The following CAMKMT variants were observed in gnomAD, a reference collection of about 807,000 sequenced individuals.
CAMKMT encodes the protein calmodulin-lysine N-methyltransferase.
In CAMKMT, 53 loss-of-function variants were observed where a neutral mutation model predicts 48.0. The observed-to-expected ratio is 1.10, with a 90% confidence interval of 0.89 to 1.39. CAMKMT has a LOEUF of 1.39. Among genes scored for constraint, CAMKMT ranks in the 40% most tolerant of loss-of-function variants. The pLI is 0.00. For missense variants in CAMKMT, 428 were observed against 402.7 expected, an observed-to-expected ratio of 1.06 and a Z score of -0.54; for synonymous variants, 165 against 152.3, an observed-to-expected ratio of 1.08 and a Z score of -0.61.
chr2:44,507,072 T>A (rs1166193324), intron 3 of CAMKMT, among the ~76,000 whole-genome samples: 1 of 82,394 alleles, frequency 1.2e-5, no homozygotes, highest in Non-Finnish European at 2.7e-5. Flanking sequence ...ATTTGTGCAA[T>A]CTTTTTTTTT....
At chr2:44,764,057 G>A (rs1680730942) in intron 9 of CAMKMT, among the ~76,000 whole-genome samples, 2 of 150,446 alleles carry the variant, frequency 1.3e-5, no homozygotes, top group African/African-American at 4.9e-5. Flanking sequence ...GGAGACTTTT[G>A]CTGTCCTGCC....
intron 3 of CAMKMT, among the ~76,000 whole-genome samples, chr2:44,422,828 C>G (rs1352276120): frequency 2.0e-5 from 3 of 152,018 alleles, no homozygotes; most frequent in Non-Finnish European, 4.4e-5. Flanking sequence ...AGTTCAGCTT[C>G]TCTAAGAGGT....
At position 44,575,644 on chromosome 2, in the gene CAMKMT, T is replaced by G. The variant is rs1572836930; in HGVS notation, c.377-128639T>G. ...CAGCACTATGGGAGACTGAGGTAGG[T>G]GGATCTCTTGAGCTCAGGAGTTTGA... On this transcript the variant is annotated intron_variant, in intron 3 of 10. Coordinates refer to ENST00000378494, the MANE Select transcript of CAMKMT (RefSeq NM_024766.5). Among the ~76,000 whole-genome samples, 3 of 151,848 alleles carry G rather than the reference T, an allele frequency of 2.0e-5. No individual in the cohort carries two copies. In the South Asian group the frequency reaches 6.3e-4, roughly 32 times the overall value.
chr2:44,529,915 T>C (rs1035188830), intron 3 of CAMKMT, among the ~76,000 whole-genome samples: 2 of 152,214 alleles, frequency 1.3e-5, no homozygotes, highest in African/African-American at 4.8e-5. Context: ...TCAAATACAA[T>C]GTTCCAGTGC....
intron 3 of CAMKMT, among the ~76,000 whole-genome samples, chr2:44,569,346 G>A (rs186740400): frequency 9.9e-4 from 151 of 152,186 alleles, no homozygotes; most frequent in African/African-American, 3.5e-3. Context: ...TACGAATGGC[G>A]ATTTTCTAGG....
chr2:44,534,329 C>G (rs1019019159), intron 3 of CAMKMT, among the ~76,000 whole-genome samples: 3 of 152,054 alleles, frequency 2.0e-5, no homozygotes, highest in African/African-American at 7.2e-5. Context: ...ACAGATCATC[C>G]AAACAGAAAA....
At chr2:44,701,922 C>T (rs1677279835) in intron 3 of CAMKMT, among the ~76,000 whole-genome samples, 1 of 151,818 alleles carries the variant, frequency 6.6e-6, no homozygotes, top group South Asian at 2.1e-4. Flanking sequence ...GAGATGACGT[C>T]CAAAATGTTA....
At chr2:44,436,648 C>T (rs965229178) in intron 3 of CAMKMT, among the ~76,000 whole-genome samples, 1 of 151,706 alleles carries the variant, frequency 6.6e-6, no homozygotes, top group African/African-American at 2.4e-5. Context: ...ATTCTGAGGG[C>T]CAGATTTGAC....
At chr2:44,705,269 C>G in intron 4 of CAMKMT, 2 of 740,946 alleles carry the variant, frequency 2.7e-6, no homozygotes, top group Middle Eastern at 7.1e-4. Flanking sequence ...CTTTCCCCCT[C>G]TTCCCACCTC....
At chr2:44,685,999 G>C (rs1194227843) in intron 3 of CAMKMT, among the ~76,000 whole-genome samples, 1 of 151,986 alleles carries the variant, frequency 6.6e-6, no homozygotes, top group Non-Finnish European at 1.5e-5. Flanking sequence ...TTAAGGGAAG[G>C]CAATATATGA....
intron 3 of CAMKMT, among the ~76,000 whole-genome samples, chr2:44,488,464 A>G (rs1267376159): frequency 6.6e-6 from 1 of 152,208 alleles, no homozygotes; most frequent in Admixed American, 6.5e-5. Flanking sequence ...AGATTGTGCC[A>G]TTGCACTCCA....
intron 3 of CAMKMT, among the ~76,000 whole-genome samples, chr2:44,604,636 A>G (rs1225804329): frequency 6.6e-6 from 1 of 151,910 alleles, no homozygotes; most frequent in African/African-American, 2.4e-5. Flanking sequence ...AATAGTTACA[A>G]TGAGATTCTG....
chr2:44,462,505 T>C (rs976508728), intron 3 of CAMKMT, among the ~76,000 whole-genome samples: 1 of 152,166 alleles, frequency 6.6e-6, no homozygotes, highest in Non-Finnish European at 1.5e-5. Flanking sequence ...TTTATGATTA[T>C]TTAATTGGCC....
chr2:44,593,996 C>T (rs62132286), intron 3 of CAMKMT, among the ~76,000 whole-genome samples: 2,838 of 152,158 alleles, frequency 0.019, 39 homozygotes, highest in Non-Finnish European at 0.028. Flanking sequence ...CTCCCCACCT[C>T]AGGTGATCTG....
At chr2:44,368,767 T>A (rs1678871790) in intron 1 of CAMKMT, among the ~76,000 whole-genome samples, 1 of 152,248 alleles carries the variant, frequency 6.6e-6, no homozygotes, top group Non-Finnish European at 1.5e-5. Context: ...ACATTTTATA[T>A]TTTTAAAAAT....
chr2:44,438,026 G>A (rs149492772), intron 3 of CAMKMT, among the ~76,000 whole-genome samples: 1 of 151,842 alleles, frequency 6.6e-6, no homozygotes, highest in African/African-American at 2.4e-5. Flanking sequence ...CATGTTCTAA[G>A]CTCTTTATAT....
rs565171897 is a variant in CAMKMT at position 44,436,625 on chromosome 2, GC to G, written c.376+46322del. On this transcript the variant is annotated intron_variant, in intron 3 of 10. Coordinates refer to ENST00000378494, the MANE Select transcript of CAMKMT (RefSeq NM_024766.5). The stretch of plus-strand genomic sequence containing the variant: ...ATATAAAACCACTCTTAACTCCAGG[GC>G]CATACAAAAACATTCTGAGGGCCAG... 4.0e-5 allele frequency among the ~76,000 whole-genome samples: 6 copies of G among 151,516 alleles called. No homozygotes were observed. In the South Asian group the frequency reaches 1.3e-3, roughly 32 times the overall value.
intron 8 of CAMKMT, 52 bp from the exon 9 acceptor site, chr2:44,754,003 T>A (rs1021160691): frequency 1.5e-6 from 2 of 1,320,136 alleles, no homozygotes; most frequent in African/African-American, 1.4e-5. Context: ...ATTAGTATCA[T>A]TAGACTTGAA....
intron 3 of CAMKMT, among the ~76,000 whole-genome samples, chr2:44,415,019 C>T (rs1683456580): frequency 6.6e-6 from 1 of 152,194 alleles, no homozygotes; most frequent in Non-Finnish European, 1.5e-5. Flanking sequence ...CTGGGCATGG[C>T]GGTGTGCCTG....
Sources: allele counts gnomAD v4.1 joint callset (sites outside exome capture counted in the v4.1 genomes callset), GRCh38; gene constraint gnomAD v4.1.1; transcripts MANE v1.5; gene names NCBI Gene and HGNC (gene_info 2026-07-23, HGNC 2026-07-21).